The following ESF1 variants were observed in gnomAD, a reference collection of about 807,000 sequenced individuals.
ESF1 encodes the protein ESF1 nucleolar pre-rRNA processing protein, also known as ESF1 homolog.
ESF1 carries 58 observed loss-of-function variants against 92.0 expected under a neutral mutation model. That is an observed-to-expected ratio of 0.63 (90% confidence interval 0.51 to 0.78). The LOEUF (loss-of-function observed/expected upper bound fraction) is 0.78. Ranked by LOEUF, ESF1 falls within the 30% of genes least tolerant of loss-of-function variation. The pLI is 0.00. For synonymous variants in ESF1, 321 were observed against 313.7 expected (o/e 1.02, Z -0.24); for missense variants, 922 against 989.1 (o/e 0.93, Z 0.91).
At chr20:13,718,797 T>C in intron 12 of ESF1, 111 bp downstream of exon 12, 1 of 609,252 alleles carries the variant, frequency 1.6e-6, no homozygotes, top group South Asian at 4.0e-5. Context: ...AATTTAGTTA[T>C]AAATGCCACT....
chr20:13,738,465 A>G (rs1424606683), intron 9 of ESF1, among the ~76,000 whole-genome samples: 2 of 152,010 alleles, frequency 1.3e-5, no homozygotes, highest in Admixed American at 1.3e-4. Context: ...GGTGTGCATC[A>G]CCATACCCAG....
chr20:13,723,142 C>T (rs2049879206), intron 11 of ESF1, among the ~76,000 whole-genome samples: 1 of 152,186 alleles, frequency 6.6e-6, no homozygotes, highest in South Asian at 2.1e-4. Flanking sequence ...TAATAAACTT[C>T]CTCCAGAGGG....
At chr20:13,778,072 C>T (rs1980022621) in intron 2 of ESF1, among the ~76,000 whole-genome samples, 1 of 152,132 alleles carries the variant, frequency 6.6e-6, no homozygotes, top group Non-Finnish European at 1.5e-5. Context: ...TGTTCTCAAT[C>T]ACCATACAGT....
At chr20:13,782,325 G>A (rs1009634827) in intron 2 of ESF1, among the ~76,000 whole-genome samples, 179 bp downstream of exon 2, 1 of 152,150 alleles carries the variant, frequency 6.6e-6, no homozygotes, top group African/African-American at 2.4e-5. Context: ...CTGTCTTCTA[G>A]CACCACATCA....
Position 13,783,177 on chromosome 20 carries a change from A to C in ESF1, c.-37T>G, listed in dbSNP as rs1219967675. On this transcript the variant is annotated 5_prime_UTR_variant, in exon 2 of 14. Coordinates refer to ENST00000617257, the MANE Select transcript of ESF1 (RefSeq NM_001276380.2). The stretch of plus-strand genomic sequence containing the variant: ...AATCTCGACCAAATGCTTGAAGAAA[A>C]CAAATACTGAAAAATAAAACAAATG... 6.4e-7 allele frequency: 1 copy of C among 1,558,944 alleles called. No homozygotes were observed. Among genetic ancestry groups the C allele is most frequent in the East Asian group, 2.3e-5 (1 of 44,238 alleles).
intron 9 of ESF1, among the ~76,000 whole-genome samples, chr20:13,746,068 G>T (rs953952965): frequency 6.6e-6 from 1 of 152,022 alleles, no homozygotes; most frequent in African/African-American, 2.4e-5. Flanking sequence ...GGGCTCAAGA[G>T]ATTCTCAAGC....
At chr20:13,781,020 A>C (rs975974464) in intron 2 of ESF1, among the ~76,000 whole-genome samples, 3 of 152,342 alleles carry the variant, frequency 2.0e-5, no homozygotes, top group Non-Finnish European at 2.9e-5. Flanking sequence ...CCTCAAACTT[A>C]AATTTTTCCA....
chr20:13,746,180 GT>G (rs2050047280), intron 9 of ESF1, among the ~76,000 whole-genome samples: 1 of 152,094 alleles, frequency 6.6e-6, no homozygotes, highest in African/African-American at 2.4e-5. Flanking sequence ...GGCCAGGCTG[GT>G]CTTGAACTCT....
intron 12 of ESF1, 29 bp downstream of exon 12, chr20:13,718,879 C>A: frequency 6.6e-7 from 1 of 1,524,482 alleles, no homozygotes; most frequent in Non-Finnish European, 9.0e-7. Flanking sequence ...GAATTATCCA[C>A]TAAGCATGTA....
intron 9 of ESF1, among the ~76,000 whole-genome samples, chr20:13,748,447 T>TATACACATATAC (rs1978385872): frequency 1.4e-4 from 2 of 14,296 alleles, no homozygotes; most frequent in East Asian, 2.4e-3. Context: ...TACACATATA[T>TATACACATATAC]ACATATATAT....
chr20:13,783,272 A>C, intron 1 of ESF1, 89 bp from the exon 2 acceptor site: 1 of 969,538 alleles, frequency 1.0e-6, no homozygotes, highest in Non-Finnish European at 1.5e-6. Context: ...ATTCTAAGTT[A>C]ATATATTCTA....
intron 10 of ESF1, among the ~76,000 whole-genome samples, chr20:13,730,204 C>A (rs2049931910): frequency 6.6e-6 from 1 of 152,008 alleles, no homozygotes; most frequent in Non-Finnish European, 1.5e-5. Context: ...TCCCAAGTAG[C>A]TGGGATTACA....
chr20:13,723,278 CT>C (rs2049880233), intron 11 of ESF1, among the ~76,000 whole-genome samples: 1 of 152,058 alleles, frequency 6.6e-6, no homozygotes, highest in Admixed American at 6.5e-5. Flanking sequence ...TACCAAGTTC[CT>C]GCATCACTTG....
chr20:13,782,911 G>C lies in ESF1; in HGVS notation c.230C>G (p.Ser77Cys), dbSNP rs745826591. The C allele has an allele frequency of 6.2e-7, 1 of 1,613,986 alleles. No homozygotes were observed. Among genetic ancestry groups the C allele is most frequent in the South Asian group, 1.1e-5 (1 of 91,074 alleles). Residue 77 changes from serine (S) to cysteine (C), a missense_variant, in exon 2 of 14, where the codon TCT becomes TGT. Transcript: ENST00000617257. ...ATCTTCACCAGAGAGATTGGAATCA[G>C]AATCTGAAAGGTCGTAAAAACGCTT... ...DLKRFYDLSD[S>C]DSNLSGEDSK...
At chr20:13,768,659 G>A (rs907659000) in intron 7 of ESF1, among the ~76,000 whole-genome samples, 1 of 151,730 alleles carries the variant, frequency 6.6e-6, no homozygotes, top group African/African-American at 2.4e-5. Flanking sequence ...CACTTTGGGA[G>A]GCAGAGGGGG....
Position 13,715,050 on chromosome 20 carries a change from C to A in ESF1, c.2380G>T (p.Ala794Ser), listed in dbSNP as rs555521056. ...TGTTCTTTCCGTTCTCTTTGCCGGG[C>A]CTTCTCCTCAAGGATTTTTTCCATA... is the stretch of plus-strand genomic sequence containing the variant. The part of the protein sequence containing the change: ...KAMEKILEEK[A>S]RQRERKEQEL... The change falls in exon 14 of 14, where the codon GCC becomes TCC. Residue 794 changes from alanine to serine, a missense_variant. Ala to Ser is a moderately conservative substitution (Grantham distance 99, BLOSUM62 1). Transcript: ENST00000617257. 26 of 1,613,784 alleles carry A rather than the reference C, an allele frequency of 1.6e-5. No homozygotes were observed. Among genetic ancestry groups the A allele is most frequent in the East Asian group, 4.5e-5 (2 of 44,856 alleles).
chr20:13,751,998 TAAATA>T (rs1256273104), intron 9 of ESF1, among the ~76,000 whole-genome samples: 9 of 151,528 alleles, frequency 5.9e-5, no homozygotes, highest in Admixed American at 2.0e-4. Context: ...TCAAAATAAA[TAAATA>T]AAATAAAATA....
intron 11 of ESF1, among the ~76,000 whole-genome samples, chr20:13,719,397 AGAAAGAT>A (rs748373424): frequency 3.9e-5 from 6 of 152,138 alleles, no homozygotes; most frequent in Non-Finnish European, 5.9e-5. Context: ...GGAAATCTTT[AGAAAGAT>A]TACATAGATT....
At chr20:13,751,499 G>A (rs1321557221) in intron 9 of ESF1, among the ~76,000 whole-genome samples, 3 of 152,172 alleles carry the variant, frequency 2.0e-5, no homozygotes, top group African/African-American at 7.2e-5. Flanking sequence ...TGTATTAACA[G>A]AATCATTCTA....
Sources: allele counts gnomAD v4.1 joint callset (sites outside exome capture counted in the v4.1 genomes callset), GRCh38; gene constraint gnomAD v4.1.1; transcripts MANE v1.5; gene names NCBI Gene and HGNC (gene_info 2026-07-23, HGNC 2026-07-21).